DROSHA: variants seen among roughly 807,000 people sequenced by gnomAD.
The protein encoded by DROSHA is ribonuclease 3.
In DROSHA, 56 loss-of-function variants were observed where a neutral mutation model predicts 181.9. The observed-to-expected ratio is 0.31, with a 90% CI of 0.25 to 0.38. DROSHA has a LOEUF of 0.38. Among genes scored for constraint, DROSHA ranks in the 10% least tolerant of loss-of-function variants. DROSHA has a pLI of 1.00. For synonymous variants in DROSHA, 524 were observed against 591.2 expected, an observed-to-expected ratio of 0.89 and a Z score of 1.65; for missense variants, 1,218 against 1,743.5, an observed-to-expected ratio of 0.70 and a Z score of 5.37.
At chr5:31,528,841 G>A (rs1242407841) in intron 4 of DROSHA, among the ~76,000 whole-genome samples, 199 bp downstream of exon 4, 1 of 152,190 alleles carries the variant, frequency 6.6e-6, no homozygotes, top group South Asian at 2.1e-4. Context: ...AGCGCTCTGG[G>A]ATTTCTATTA....
chr5:31,451,720 C>A, intron 20 of DROSHA, 80 bp from the exon 21 acceptor site: 3 of 1,161,806 alleles, frequency 2.6e-6, no homozygotes, highest in South Asian at 1.4e-5. Flanking sequence ...CAAGCCAGAA[C>A]CATTTTCACA....
At chr5:31,428,590 A>T (rs976342563) in intron 27 of DROSHA, among the ~76,000 whole-genome samples, 1 of 152,198 alleles carries the variant, frequency 6.6e-6, no homozygotes, top group Non-Finnish European at 1.5e-5. Context: ...ACAAAAATCA[A>T]ATTCTCAGAT....
chr5:31,410,103 C>T (rs1380408626), intron 31 of DROSHA, among the ~76,000 whole-genome samples: 5 of 151,878 alleles, frequency 3.3e-5, no homozygotes, highest in African/African-American at 1.2e-4. Flanking sequence ...TGTAAATAAG[C>T]TAGTTTTGCA....
chr5:31,422,947 A>T lies in DROSHA; in HGVS notation c.3262-3T>A, dbSNP rs1742942016. ...CGATCAGTATTTGGCTCTTGTAGCT[A>T]CAGGAAAATAGAAATAAATAAAAAT... is the stretch of plus-strand genomic sequence containing the variant. On this transcript the variant is annotated splice_region_variant and splice_polypyrimidine_tract_variant and intron_variant, in intron 28 of 35. Coordinates refer to ENST00000344624, the MANE Select transcript of DROSHA (RefSeq NM_001382508.1). 6 of 1,555,766 alleles carry T rather than the reference A, an allele frequency of 3.9e-6. No individual in the cohort carries two copies. The highest frequency in any genetic ancestry group is 5.2e-6 in the Non-Finnish European group (6 of 1,155,270).
chr5:31,510,816 T>TG (rs1288466778), intron 9 of DROSHA, among the ~76,000 whole-genome samples: 1 of 152,198 alleles, frequency 6.6e-6, no homozygotes, highest in Admixed American at 6.5e-5. Flanking sequence ...TAGCATGCCT[T>TG]GCAAATGAGA....
chr5:31,476,251 G>C (rs1750358536), intron 16 of DROSHA, among the ~76,000 whole-genome samples: 1 of 152,182 alleles, frequency 6.6e-6, no homozygotes, highest in African/African-American at 2.4e-5. Flanking sequence ...TGTAATCCCA[G>C]CTACTCAGGA....
chr5:31,432,425 C>G (rs1340955167), intron 25 of DROSHA, among the ~76,000 whole-genome samples: 1 of 152,172 alleles, frequency 6.6e-6, no homozygotes, highest in African/African-American at 2.4e-5. Flanking sequence ...AGCCACCACG[C>G]CTGGCCCAAA....
At chr5:31,475,060 G>C (rs1056281366) in intron 16 of DROSHA, among the ~76,000 whole-genome samples, 6 of 152,230 alleles carry the variant, frequency 3.9e-5, no homozygotes, top group Non-Finnish European at 7.3e-5. Context: ...GCTCACGCCT[G>C]TAATCCCAGC....
intron 6 of DROSHA, 126 bp from the exon 7 acceptor site, chr5:31,515,690 AC>A: frequency 7.6e-7 from 1 of 1,322,828 alleles, no homozygotes; most frequent in East Asian, 2.5e-5. Context: ...TTAAGACTTC[AC>A]AAAACAGGGT....
At chr5:31,439,427 G>C (rs961021259) in intron 23 of DROSHA, among the ~76,000 whole-genome samples, 1 of 152,016 alleles carries the variant, frequency 6.6e-6, no homozygotes. Context: ...ACTTAATAAT[G>C]GTCGCAAAGC....
chr5:31,406,814 T>C (rs1357323959), intron 34 of DROSHA, 39 bp downstream of exon 34: 44 of 1,573,832 alleles, frequency 2.8e-5, no homozygotes, highest in Non-Finnish European at 3.8e-5. Flanking sequence ...ACACACAGGA[T>C]GTTCATTCAA....
chr5:31,417,485 G>A (rs995338810), intron 30 of DROSHA, among the ~76,000 whole-genome samples: 13 of 152,114 alleles, frequency 8.5e-5, no homozygotes, highest in African/African-American at 3.1e-4. Context: ...TGAATCACTT[G>A]GGAGGTTATA....
chr5:31,510,998 C>T (rs746203792), intron 9 of DROSHA, 37 bp downstream of exon 9: 16 of 1,603,672 alleles, frequency 1.0e-5, no homozygotes, highest in African/African-American at 8.1e-5. Context: ...AAGCTATAAT[C>T]GCAAGGGTCT....
chr5:31,520,119 C>G (rs1241572377), intron 6 of DROSHA, among the ~76,000 whole-genome samples: 1 of 152,044 alleles, frequency 6.6e-6, no homozygotes, highest in Non-Finnish European at 1.5e-5. Context: ...AAGCTTTTTC[C>G]ATTTTTCGAG....
intron 9 of DROSHA, 74 bp from the exon 10 acceptor site, chr5:31,508,849 A>T: frequency 7.0e-7 from 1 of 1,433,726 alleles, no homozygotes; most frequent in East Asian, 2.5e-5. Context: ...CCTGAGTTGG[A>T]GTCTCGCTCT....
chr5:31,529,748 C>CAAAAAAAAAAAAAA (rs60599492), intron 3 of DROSHA, among the ~76,000 whole-genome samples: 1 of 125,896 alleles, frequency 7.9e-6, no homozygotes, highest in African/African-American at 3.0e-5. Context: ...AAAAAAAAAA[C>CAAAAAAAAAAAAAA]AAAAAAAAAA....
chr5:31,422,669 T>A (rs1742910553), intron 29 of DROSHA, 118 bp downstream of exon 29: 3 of 1,311,792 alleles, frequency 2.3e-6, no homozygotes, highest in Non-Finnish European at 3.1e-6. Flanking sequence ...CATCTCACAA[T>A]GTGACTTTCC....
chr5:31,448,189 A>T (rs922668036), intron 23 of DROSHA, among the ~76,000 whole-genome samples: 2 of 152,262 alleles, frequency 1.3e-5, no homozygotes, highest in Non-Finnish European at 2.9e-5. Flanking sequence ...TGAAGTATTG[A>T]CACATACTAT....
chr5:31,458,532 G>A (rs1580165677), intron 20 of DROSHA, among the ~76,000 whole-genome samples: 1 of 152,246 alleles, frequency 6.6e-6, no homozygotes. Flanking sequence ...TCTACATAAC[G>A]ATCCATCAGT....
Sources: allele counts gnomAD v4.1 joint callset (sites outside exome capture counted in the v4.1 genomes callset), GRCh38; gene constraint gnomAD v4.1.1; transcripts MANE v1.5; gene names NCBI Gene and HGNC (gene_info 2026-07-23, HGNC 2026-07-21).